The following CP variants were observed in gnomAD, a reference collection of about 807,000 sequenced individuals.
The protein encoded by CP is caeruloplasmin.
CP carries 64 observed loss-of-function variants against 122.4 expected under a neutral mutation model. That is an observed-to-expected ratio of 0.52 (90% CI 0.43 to 0.64). The LOEUF (loss-of-function observed/expected upper bound fraction) is 0.64, where lower values mean the gene tolerates loss of function less well. Among genes scored for constraint, CP ranks in the 30% least tolerant of loss-of-function variants. CP has a pLI of 0.00. For missense variants in CP, 1,167 were observed against 1,284.4 expected (o/e 0.91, Z 1.40); for synonymous variants, 440 against 436.4 (o/e 1.01, Z -0.10).
chr3:149,206,541 G>A (rs143085227), intron 5 of CP, among the ~76,000 whole-genome samples: 140 of 152,232 alleles, frequency 9.2e-4, no homozygotes, highest in African/African-American at 3.1e-3. Flanking sequence ...TGTTTTTTAT[G>A]TACATACAGC....
At chr3:149,180,592 GAATC>G (rs898162644) in intron 14 of CP, among the ~76,000 whole-genome samples, 1 of 152,150 alleles carries the variant, frequency 6.6e-6, no homozygotes, top group Non-Finnish European at 1.5e-5. Flanking sequence ...ATTCACTAGA[GAATC>G]AAGCAAGACA....
rs1031444914 is a variant in CP, at chr3:149,176,212, T to A, written c.3181+38A>T. On this transcript the variant is annotated intron_variant, in intron 18 of 18. Transcript: ENST00000264613. ...AAAGTAGTTCCTTTAGTTATATCTT[T>A]TATATATGGCTTCTAGAATTACTAC... 3.8e-6 allele frequency: 6 copies of A among 1,595,200 alleles called. No homozygotes were observed. In the African/African-American group the frequency reaches 6.7e-5, roughly 18 times the overall value.
intron 8 of CP, among the ~76,000 whole-genome samples, chr3:149,198,900 T>C (rs1287075780): frequency 6.6e-6 from 1 of 152,272 alleles, no homozygotes; most frequent in Non-Finnish European, 1.5e-5. Context: ...GCACTGTCTC[T>C]ACATTTCTAT....
chr3:149,206,246 G>T lies in CP; in HGVS notation c.1130C>A (p.Ala377Asp), dbSNP rs1727708265. 6.2e-7 allele frequency: 1 copy of T among 1,613,880 alleles called. No individual in the cohort carries two copies. The highest frequency in any genetic ancestry group is 8.5e-7 in the Non-Finnish European group (1 of 1,179,894). ...RGKHVRHYYI[A>D]AEEIIWNYAP... ...ATAGTTCCAGATGATTTCCTCAGCGGCAATGTAGTAGTGTCTAACATGCTT... is the reference window on the plus strand; with the variant it reads ...ATAGTTCCAGATGATTTCCTCAGCGTCAATGTAGTAGTGTCTAACATGCTT... Residue 377 changes from alanine (A) to aspartate (D), a missense_variant, in exon 6 of 19, where the codon GCC (alanine) becomes GAC (aspartate). Physicochemically the swap from Ala to Asp is moderately radical, Grantham distance 126. Around this residue, in one of 2 missense-constraint regions of CP, gnomAD observed 642 missense variants for 627.3 expected, o/e 1.02. Coordinates refer to ENST00000264613, the MANE Select transcript of CP (RefSeq NM_000096.4).
chr3:149,186,861 A>T (rs1726214837), intron 10 of CP, 129 bp from the exon 11 acceptor site: 1 of 804,022 alleles, frequency 1.2e-6, no homozygotes, highest in Admixed American at 2.0e-5. Context: ...CCCACGCTTT[A>T]TGTGTCAGGA....
chr3:149,181,388 C>T (rs13092519), intron 14 of CP, among the ~76,000 whole-genome samples: 3,147 of 152,186 alleles, frequency 0.021, 52 homozygotes, highest in South Asian at 0.038. Context: ...TCAAGGAAGC[C>T]CTCCTGACCT....
At position 149,201,742 on chromosome 3, in the gene CP, C is replaced by T. The variant is rs567621261; in HGVS notation, c.1348+360G>A. ...GCACAAGAAACTGGGATTACAGGTA[C>T]GTGCCACCACGCCCTGCTAATTTTT... On this transcript the variant is annotated intron_variant, in intron 7 of 18. Transcript: ENST00000264613. Among the ~76,000 whole-genome samples the T allele has an allele frequency of 6.6e-5, 10 of 151,982 alleles. No individual in the cohort carries two copies. In the South Asian group the frequency reaches 2.1e-3, roughly 32 times the overall value.
chr3:149,198,682 CT>C, intron 8 of CP, 104 bp from the exon 9 acceptor site: 1 of 949,536 alleles, frequency 1.1e-6, no homozygotes, highest in South Asian at 1.4e-5. Flanking sequence ...CTTCTGAGTT[CT>C]TTGTTATAAA....
chr3:149,207,288 ATTTAGCT>A, intron 5 of CP, 68 bp downstream of exon 5: 1 of 1,571,590 alleles, frequency 6.4e-7, no homozygotes. Flanking sequence ...TTTCAAAGAT[ATTTAGCT>A]TTTAGATTCT....
chr3:149,202,107 A>T lies in CP; in HGVS notation c.1343T>A (p.Ile448Asn). 6.2e-7 allele frequency: 1 copy of T among 1,614,044 alleles called. No individual in the cohort carries two copies. The highest frequency in any genetic ancestry group is 1.1e-5 in the South Asian group (1 of 91,076). ...TATATTCTGCAAGAACTCACCCAGGATGCCAAGATGCTCTTCTTCAGGGCC... is the reference window on the plus strand; with the variant it reads ...TATATTCTGCAAGAACTCACCCAGGTTGCCAAGATGCTCTTCTTCAGGGCC... ...ERGPEEEHLG[I>N]LGPVIWAEVG... Residue 448 changes from isoleucine to asparagine, a missense_variant, in exon 7 of 19, where the codon ATC becomes AAC. Physicochemically the swap from Ile to Asn is moderately radical, Grantham distance 149 (BLOSUM62 -3). Around this residue, in one of 2 missense-constraint regions of CP, gnomAD observed 642 missense variants for 627.3 expected, o/e 1.02. Transcript: ENST00000264613.
downstream of CP, chr3:149,172,318 T>TCTCTCA (rs72453449): frequency 9.6e-5 from 55 of 571,936 alleles, no homozygotes; most frequent in Admixed American, 1.6e-4. Flanking sequence ...ATTTTATATA[T>TCTCTCA]CACACACACA....
intron 4 of CP, among the ~76,000 whole-genome samples, chr3:149,208,593 T>A (rs1727908868): frequency 6.6e-6 from 1 of 152,180 alleles, no homozygotes; most frequent in African/African-American, 2.4e-5. Context: ...TATCTACTTA[T>A]TGGTCTAGTT....
intron 9 of CP, among the ~76,000 whole-genome samples, chr3:149,189,127 T>G (rs34656703): frequency 0.051 from 7,728 of 152,146 alleles, 635 homozygotes; most frequent in African/African-American, 0.18. Context: ...GAAATACTAG[T>G]GGAAGTGTTT....
At chr3:149,178,766 C>T in intron 15 of CP, 135 bp from the exon 16 acceptor site, 1 of 674,556 alleles carries the variant, frequency 1.5e-6, no homozygotes, top group South Asian at 1.7e-5. Context: ...TGTGGTACTG[C>T]CAATTTAGTA....
At chr3:149,190,838 A>G (rs1349213337) in intron 9 of CP, among the ~76,000 whole-genome samples, 6 of 152,206 alleles carry the variant, frequency 3.9e-5, no homozygotes, top group African/African-American at 7.2e-5. Context: ...GGATATTAAT[A>G]TCTGAAAAAG....
At chr3:149,163,440 A>T (rs1159687352) in intron 5 of CP, among the ~76,000 whole-genome samples, 2 of 152,166 alleles carry the variant, frequency 1.3e-5, no homozygotes, top group Non-Finnish European at 2.9e-5. Context: ...GGTTAAGTGG[A>T]GAAGTTACCA....
intron 10 of CP, among the ~76,000 whole-genome samples, chr3:149,187,067 C>T (rs1434093534): frequency 6.6e-6 from 1 of 151,942 alleles, no homozygotes; most frequent in Non-Finnish European, 1.5e-5. Context: ...CCCAAATCTG[C>T]GAATTATAAC....
chr3:149,171,863 C>T (rs1725022649), downstream of CP, among the ~76,000 whole-genome samples: 1 of 151,944 alleles, frequency 6.6e-6, no homozygotes, highest in Admixed American at 6.6e-5. Context: ...CGCCACCATG[C>T]CCGGCTAATT....
intron 3 of CP, 87 bp downstream of exon 3, chr3:149,210,080 A>G (rs576762264): frequency 7.5e-7 from 1 of 1,334,226 alleles, no homozygotes; most frequent in Admixed American, 1.7e-5. Context: ...CAATCTCAGC[A>G]CAGAAGACTT....
Sources: allele counts gnomAD v4.1 joint callset (sites outside exome capture counted in the v4.1 genomes callset), GRCh38; gene constraint gnomAD v4.1.1; regional missense constraint gnomAD v4.1.1; transcripts MANE v1.5; gene names NCBI Gene and HGNC (gene_info 2026-07-23, HGNC 2026-07-21).